ADARB2: variants seen among roughly 807,000 people sequenced by gnomAD.
The protein encoded by ADARB2 is inactive double-stranded RNA-specific editase B2.
Under a neutral mutation model 62.2 loss-of-function variants are expected in ADARB2, and 25 were observed. The observed-to-expected ratio is 0.40, with a 90% CI of 0.29 to 0.56. The LOEUF (loss-of-function observed/expected upper bound fraction) is 0.56, where lower values mean the gene tolerates loss of function less well. ADARB2 is among the 20% of genes least tolerant of loss of function. The probability of loss-of-function intolerance (pLI) is 0.43; values close to 1 mark genes in which losing one functional copy is unlikely to be tolerated. For synonymous variants in ADARB2, 572 were observed against 500.8 expected (o/e 1.14, Z -1.90); for missense variants, 1,071 against 1,077.4 (o/e 0.99, Z 0.08).
chr10:1,601,660 C>T (rs1478640201), intron 1 of ADARB2, among the ~76,000 whole-genome samples: 4 of 152,142 alleles, frequency 2.6e-5, no homozygotes, highest in African/African-American at 9.7e-5. Context: ...CAAAGCTGAT[C>T]GGTGTCCAAG....
chr10:1,677,411 G>C (rs2119113434), intron 1 of ADARB2, among the ~76,000 whole-genome samples: 1 of 152,308 alleles, frequency 6.6e-6, no homozygotes, highest in South Asian at 2.1e-4. Flanking sequence ...GGCTGGGCTG[G>C]TGCTGCCTGG....
intron 3 of ADARB2, among the ~76,000 whole-genome samples, chr10:1,289,728 G>A (rs1831447186): frequency 6.6e-6 from 1 of 152,266 alleles, no homozygotes; most frequent in Non-Finnish European, 1.5e-5. Flanking sequence ...GCTGCTGGGT[G>A]ACAAGACAGC....
intron 2 of ADARB2, among the ~76,000 whole-genome samples, chr10:1,375,832 C>A (rs1736093233): frequency 6.6e-6 from 1 of 150,984 alleles, no homozygotes; most frequent in East Asian, 1.9e-4. Flanking sequence ...CACACACGTG[C>A]ACACACCGCA....
At chr10:1,606,784 G>A (rs17156598) in intron 1 of ADARB2, among the ~76,000 whole-genome samples, 2,160 of 152,230 alleles carry the variant, frequency 0.014, 115 homozygotes, top group East Asian at 0.14. Context: ...CTTCCTGCAC[G>A]GGGAACAGAA....
At chr10:1,320,358 C>T (rs1364918717) in intron 3 of ADARB2, among the ~76,000 whole-genome samples, 2 of 152,162 alleles carry the variant, frequency 1.3e-5, no homozygotes, top group East Asian at 3.8e-4. Flanking sequence ...CTAGATCATC[C>T]AGATTTAGGG....
chr10:1,602,903 GAACA>G (rs908889121), intron 1 of ADARB2, among the ~76,000 whole-genome samples: 2 of 150,520 alleles, frequency 1.3e-5, no homozygotes, highest in African/African-American at 4.9e-5. Flanking sequence ...ATACACATAT[GAACA>G]CACACCTGTA....
At chr10:1,438,814 T>TCTC (rs1830866637) in intron 1 of ADARB2, among the ~76,000 whole-genome samples, 1 of 142,366 alleles carries the variant, frequency 7.0e-6, no homozygotes, top group Non-Finnish European at 1.5e-5. Flanking sequence ...CTCCTGAGTC[T>TCTC]CCTCAGCAGA....
rs990506650 is a variant in ADARB2 at position 1,192,125 on chromosome 10, G to T, written c.1865-7086C>A. Among the ~76,000 whole-genome samples, 36 of 152,228 alleles carry T rather than the reference G, an allele frequency of 2.4e-4. 1 individual carries two copies. Among genetic ancestry groups the T allele is most frequent in the Admixed American group, 2.1e-3 (32 of 15,288 alleles). ...GGCATTATGTAAGTGAGACGTTACA[G>T]CATTTCTTCAAAGTGAGCCTACTAT... is the stretch of plus-strand genomic sequence containing the variant. On this transcript the variant is annotated intron_variant, in intron 8 of 9. Coordinates refer to ENST00000381312, the MANE Select transcript of ADARB2 (RefSeq NM_018702.4).
chr10:1,284,452 G>A (rs1408363380), intron 3 of ADARB2, among the ~76,000 whole-genome samples: 1 of 152,158 alleles, frequency 6.6e-6, no homozygotes, highest in East Asian at 1.9e-4. Flanking sequence ...CACTGGACCT[G>A]CACTATAGCT....
In ADARB2 at chr10:1,704,842, C is replaced by T. The variant is rs1384093387; in HGVS notation, c.100+32209G>A. Among the ~76,000 whole-genome samples the T allele has an allele frequency of 2.0e-5, 3 of 152,088 alleles. No homozygotes were observed. The highest frequency in any genetic ancestry group is 4.4e-5 in the Non-Finnish European group (3 of 68,024). On this transcript the variant is annotated intron_variant, in intron 1 of 9. Transcript: ENST00000381312. The surrounding 1 kb of genome is among the most constrained non-coding windows in gnomAD (Gnocchi z 5.6). ...ATTGAGAACGGTGAGCTTGCATATGCCAGCCTGAGCCTCCACTCTCTCACT... is the reference window on the plus strand; with the variant it reads ...ATTGAGAACGGTGAGCTTGCATATGTCAGCCTGAGCCTCCACTCTCTCACT...
At chr10:1,525,018 C>T (rs972456780) in intron 1 of ADARB2, among the ~76,000 whole-genome samples, 1 of 152,136 alleles carries the variant, frequency 6.6e-6, no homozygotes, top group Admixed American at 6.5e-5. Context: ...TTTAAGTAAG[C>T]ATCCTTGCTT....
intron 1 of ADARB2, among the ~76,000 whole-genome samples, chr10:1,622,146 A>T (rs1333212684): frequency 1.3e-5 from 2 of 152,214 alleles, no homozygotes; most frequent in Non-Finnish European, 2.9e-5. Context: ...GTATACTCAC[A>T]TTCAAAGAAA....
intron 1 of ADARB2, among the ~76,000 whole-genome samples, chr10:1,546,316 G>T (rs529104045): frequency 6.6e-6 from 1 of 152,342 alleles, no homozygotes; most frequent in Admixed American, 6.5e-5. Context: ...GCAGGATGTA[G>T]GTCAAAACCC....
intron 1 of ADARB2, among the ~76,000 whole-genome samples, chr10:1,474,874 A>G (rs990659283): frequency 6.6e-6 from 1 of 152,182 alleles, no homozygotes; most frequent in Non-Finnish European, 1.5e-5. Flanking sequence ...GGATGCTCGC[A>G]GGACTGCGTG....
chr10:1,517,357 GAC>G (rs772913292), intron 1 of ADARB2, among the ~76,000 whole-genome samples: 1 of 152,140 alleles, frequency 6.6e-6, no homozygotes, highest in Non-Finnish European at 1.5e-5. Flanking sequence ...GCAAGGTAGA[GAC>G]ATCCTGGAAT....
At chr10:1,355,980 T>G (rs972395697) in intron 3 of ADARB2, among the ~76,000 whole-genome samples, 2 of 152,210 alleles carry the variant, frequency 1.3e-5, no homozygotes, top group Non-Finnish European at 2.9e-5. Flanking sequence ...TACATTGTAT[T>G]TACATTGTAT....
At chr10:1,354,123 G>A (rs531633870) in intron 3 of ADARB2, among the ~76,000 whole-genome samples, 2 of 151,946 alleles carry the variant, frequency 1.3e-5, no homozygotes, top group Admixed American at 6.5e-5. Context: ...GAGAAACATC[G>A]CCCATTATCT....
chr10:1,690,237 A>G (rs1834651373), intron 1 of ADARB2, among the ~76,000 whole-genome samples: 2 of 152,224 alleles, frequency 1.3e-5, no homozygotes, highest in South Asian at 2.1e-4. Flanking sequence ...CTGAAGTTTA[A>G]TGATATTTTC....
chr10:1,379,168 G>C lies in ADARB2; in HGVS notation c.101-8C>G. 2 of 1,602,400 alleles carry C rather than the reference G, an allele frequency of 1.2e-6. No individual in the cohort carries two copies. The highest frequency in any genetic ancestry group is 1.7e-6 in the Non-Finnish European group (2 of 1,169,596). ...ACAATATGCTTACTTTATCTGGAAAGAAAAGAACAGGAAATGCACTTTTGA... is the reference window on the plus strand; with the variant it reads ...ACAATATGCTTACTTTATCTGGAAACAAAAGAACAGGAAATGCACTTTTGA... On this transcript the variant is annotated splice_region_variant and splice_polypyrimidine_tract_variant and intron_variant, in intron 1 of 9. Coordinates refer to ENST00000381312, the MANE Select transcript of ADARB2 (RefSeq NM_018702.4).
Sources: allele counts gnomAD v4.1 joint callset (sites outside exome capture counted in the v4.1 genomes callset), GRCh38; gene constraint gnomAD v4.1.1; non-coding constraint Gnocchi (gnomAD v3.1); transcripts MANE v1.5; gene names NCBI Gene and HGNC (gene_info 2026-07-23, HGNC 2026-07-21).